The following CCDC183 variants were observed in gnomAD, a reference collection of about 807,000 sequenced individuals.
CCDC183 encodes coiled-coil domain containing 183.
In CCDC183, 63 loss-of-function variants were observed where a neutral mutation model predicts 65.2. The observed-to-expected ratio is 0.97, with a 90% CI of 0.79 to 1.19. CCDC183 has a LOEUF of 1.19. CCDC183 is among the 50% of genes most tolerant of loss of function. The probability of loss-of-function intolerance (pLI) is 0.00; values close to 1 mark genes in which losing one functional copy is unlikely to be tolerated. For missense variants in CCDC183, 769 were observed against 689.3 expected (o/e 1.12, Z -1.30); for synonymous variants, 323 against 276.5 (o/e 1.17, Z -1.67).
rs112843166 is a variant in CCDC183, at chr9:136,803,302, T to C, written c.666+516T>C. The stretch of plus-strand genomic sequence containing the variant: ...AGGGCTGGGGCCCCCCAGGGCGGGC[T>C]CTCTTGTGTCTTCTGGCCAGGGTCT... On this transcript the variant is annotated intron_variant, in intron 6 of 13. Transcript: ENST00000338005. Among the ~76,000 whole-genome samples, 220 of 150,850 alleles carry C rather than the reference T, an allele frequency of 1.5e-3. 10 individuals carry two copies. Among genetic ancestry groups the C allele is most frequent in the African/African-American group, 4.7e-3 (191 of 40,722 alleles).
rs908972607 is a variant in CCDC183, at chr9:136,804,109, G to C, written c.667-393G>C. On this transcript the variant is annotated intron_variant, in intron 6 of 13. Coordinates refer to ENST00000338005, the MANE Select transcript of CCDC183 (RefSeq NM_001039374.5). The surrounding 1 kb of genome is among the most constrained non-coding windows in gnomAD (Gnocchi z 4.1). Reference sequence around the variant, plus strand: ...GGCGAGGGTGAGAGCAGTGTCTGGGGTGCGTGAGCAGGGGTTAGCAGATGA... The same window carrying C: ...GGCGAGGGTGAGAGCAGTGTCTGGGCTGCGTGAGCAGGGGTTAGCAGATGA... The C allele has an allele frequency of 4.5e-6, 1 of 223,178 alleles. No homozygotes were observed. The highest frequency in any genetic ancestry group is 9.1e-6 in the Non-Finnish European group (1 of 109,538). The allele number at this position is 223,178 out of a possible 1,614,324, so 13.8% of individuals were successfully genotyped here. A position where few individuals can be genotyped will look rare whatever the true frequency, so the allele number is the denominator to read the frequency against.
At chr9:136,807,534 G>T in intron 13 of CCDC183, 38 bp from the exon 14 acceptor site, 1 of 1,551,796 alleles carries the variant, frequency 6.4e-7, no homozygotes, top group Non-Finnish European at 8.7e-7. Flanking sequence ...CGCCTAGCTG[G>T]GCTAGCCCCG....
At position 136,804,423 on chromosome 9, in the gene CCDC183, A is replaced by G. The variant is rs1847805501; in HGVS notation, c.667-79A>G. On this transcript the variant is annotated intron_variant, in intron 6 of 13. Transcript: ENST00000338005. This position sits in a 1 kb window ranked among gnomAD's most constrained non-coding sequence, Gnocchi z 4.1. ...AAAGTCTAGTAAGGTGAGCATGGCC[A>G]ACCGCCCGCTGGCTTTACTGCCATT... 1.3e-6 allele frequency: 2 copies of G among 1,524,200 alleles called. No individual in the cohort carries two copies. The highest frequency in any genetic ancestry group is 2.8e-5 in the African/African-American group (2 of 72,708). The allele number at this position is 1,524,200 out of a possible 1,614,324, so 94.4% of individuals were successfully genotyped here. A position where few individuals can be genotyped will look rare whatever the true frequency, so the allele number is the denominator to read the frequency against.
chr9:136,800,578 A>C (rs1004211514), intron 5 of CCDC183, 85 bp downstream of exon 5: 2 of 988,406 alleles, frequency 2.0e-6, no homozygotes, highest in Middle Eastern at 2.3e-4. Flanking sequence ...GCCGCCCCGC[A>C]CCCGCCAGGG....
At chr9:136,805,698 C>A in intron 9 of CCDC183, 1 of 556,444 alleles carries the variant, frequency 1.8e-6, no homozygotes, top group Non-Finnish European at 3.2e-6. Context: ...TAACCACTGC[C>A]CTGACACAAG....
chr9:136,802,597 G>A (rs1173449535), intron 5 of CCDC183, 67 bp from the exon 6 acceptor site: 23 of 1,541,030 alleles, frequency 1.5e-5, no homozygotes, highest in Non-Finnish European at 2.0e-5. Flanking sequence ...TCTTAGTCGG[G>A]GGATAAAAGC....
chr9:136,799,786 T>A lies in CCDC183; in HGVS notation c.266T>A (p.Met89Lys). 6.2e-7 allele frequency: 1 copy of A among 1,612,676 alleles called. No individual in the cohort carries two copies. Among genetic ancestry groups the A allele is most frequent in the Non-Finnish European group, 8.5e-7 (1 of 1,179,694 alleles). The change falls in exon 3 of 14, where the codon ATG becomes AAG. Residue 89 changes from methionine (M) to lysine (K), a missense_variant. By Grantham distance (95) the Met-to-Lys change is moderately conservative. Coordinates refer to ENST00000338005, the MANE Select transcript of CCDC183 (RefSeq NM_001039374.5). ...PLRLAHCRSTMEVVREKLRKY... is the reference protein window; with the variant it reads ...PLRLAHCRSTKEVVREKLRKY... ...CGACTGGCGCACTGCCGCAGCACCA[T>A]GGAGGTAACCAGGCAGGAGGGGCCT...
rs940976275 is a variant in CCDC183 at position 136,806,458 on chromosome 9, C to G, written c.1110-46C>G. On this transcript the variant is annotated intron_variant, in intron 10 of 13. Transcript: ENST00000338005. ...GGCTCCTGGGTGGCCCACCATGGCT[C>G]TCGGGCCTGTGCCCCTCACTGCTGT... 10 of 1,610,336 alleles carry G rather than the reference C, an allele frequency of 6.2e-6. No homozygotes were observed. In the African/African-American group the frequency reaches 1.3e-4, roughly 22 times the overall value.
chr9:136,797,705 TG>T lies in CCDC183; in HGVS notation c.70+1241del, dbSNP rs1344012310. On this transcript the variant is annotated intron_variant, in intron 1 of 13. Coordinates refer to ENST00000338005, the MANE Select transcript of CCDC183 (RefSeq NM_001039374.5). ...TGCCCGCATCAGCCTCCCAAAGTGC[TG>T]GGATTACAGGCGTGAGCCACCATGC... is the stretch of plus-strand genomic sequence containing the variant. 3.3e-5 allele frequency among the ~76,000 whole-genome samples: 5 copies of T among 152,280 alleles called. No individual in the cohort carries two copies. The East Asian group carries it at 7.7e-4, about 23-fold the overall frequency.
chr9:136,798,287 T>C (rs574171478), intron 1 of CCDC183, among the ~76,000 whole-genome samples: 25 of 140,008 alleles, frequency 1.8e-4, no homozygotes, highest in African/African-American at 6.1e-4. Context: ...ATTACAGGCA[T>C]GAGCCACCGG....
chr9:136,805,201 G>A lies in CCDC183; in HGVS notation c.848-156G>A, dbSNP rs1039363403. Reference sequence around the variant, plus strand: ...GTCCCTGCAGGGCTGGGCTGAGGAGGGAGCAGGTTGGGGCGGGGGCAGGCA... The same window carrying A: ...GTCCCTGCAGGGCTGGGCTGAGGAGAGAGCAGGTTGGGGCGGGGGCAGGCA... On this transcript the variant is annotated intron_variant, in intron 8 of 13. Transcript: ENST00000338005. 1.4e-5 allele frequency: 9 copies of A among 636,974 alleles called. No individual in the cohort carries two copies. In the African/African-American group the frequency reaches 1.5e-4, roughly 10 times the overall value. The allele number at this position is 636,974 out of a possible 1,614,324, so 39.5% of individuals were successfully genotyped here.
chr9:136,800,194 G>C, intron 4 of CCDC183, 25 bp downstream of exon 4: 1 of 1,478,422 alleles, frequency 6.8e-7, no homozygotes, highest in Non-Finnish European at 9.1e-7. Flanking sequence ...CTGGGAGGGC[G>C]GGGCGGAGTC....
intron 2 of CCDC183, 38 bp from the exon 3 acceptor site, chr9:136,799,675 A>T: frequency 6.3e-7 from 1 of 1,591,648 alleles, no homozygotes; most frequent in Non-Finnish European, 8.6e-7. Context: ...GCGGGTGCGC[A>T]AAGGGCCCGC....
At chr9:136,799,354 G>A in intron 2 of CCDC183, 131 bp downstream of exon 2, 1 of 1,373,280 alleles carries the variant, frequency 7.3e-7, no homozygotes. Context: ...ATGTGAGGAG[G>A]GGCTCTGCTA....
chr9:136,806,705 A>G, intron 11 of CCDC183, 33 bp downstream of exon 11: 1 of 1,613,312 alleles, frequency 6.2e-7, no homozygotes, highest in Non-Finnish European at 8.5e-7. Flanking sequence ...GCCACACACC[A>G]GGTCCCTGGG....
In CCDC183 at chr9:136,804,386, G is replaced by T; in HGVS notation, c.667-116G>T. 1 of 1,381,264 alleles carries T rather than the reference G, an allele frequency of 7.2e-7. No individual in the cohort carries two copies. Among genetic ancestry groups the T allele is most frequent in the Non-Finnish European group, 9.7e-7 (1 of 1,033,204 alleles). 85.6% of individuals were successfully genotyped at this position (1,381,264 alleles called of 1,614,324 possible). A position where few individuals can be genotyped will look rare whatever the true frequency, so the allele number is the denominator to read the frequency against. On this transcript the variant is annotated intron_variant, in intron 6 of 13. Coordinates refer to ENST00000338005, the MANE Select transcript of CCDC183 (RefSeq NM_001039374.5). The surrounding 1 kb of genome is among the most constrained non-coding windows in gnomAD (Gnocchi z 4.1). ...GGAAAAGGGTGTGGCCATTGGCCGG[G>T]GATGCAGTTCCAAAGTCTAGTAAGG...
At chr9:136,805,998 C>T in intron 9 of CCDC183, 80 bp from the exon 10 acceptor site, 3 of 1,203,554 alleles carry the variant, frequency 2.5e-6, no homozygotes, top group Non-Finnish European at 3.5e-6. Flanking sequence ...AGGAGGGGCC[C>T]AGAAGAAACC....
chr9:136,802,791 G>C lies in CCDC183; in HGVS notation c.666+5G>C, dbSNP rs1847757551. 1 of 1,585,618 alleles carries C rather than the reference G, an allele frequency of 6.3e-7. No individual in the cohort carries two copies. The highest frequency in any genetic ancestry group is 1.8e-5 in the Admixed American group (1 of 56,804). Reference sequence around the variant, plus strand: ...ATGATCACGGATGAGGTCAAGGTGAGCTCAGGGCCCAGGGCTGGGGGCCCC... The same window carrying C: ...ATGATCACGGATGAGGTCAAGGTGACCTCAGGGCCCAGGGCTGGGGGCCCC... On this transcript the variant is annotated splice_donor_5th_base_variant and intron_variant, in intron 6 of 13. Coordinates refer to ENST00000338005, the MANE Select transcript of CCDC183 (RefSeq NM_001039374.5).
chr9:136,804,446 A>G lies in CCDC183; in HGVS notation c.667-56A>G. The G allele has an allele frequency of 1.9e-6, 3 of 1,579,852 alleles. No homozygotes were observed. The highest frequency in any genetic ancestry group is 2.6e-6 in the Non-Finnish European group (3 of 1,163,956). Reference sequence around the variant, plus strand: ...CCAACCGCCCGCTGGCTTTACTGCCATTAGGGGCCTTGTTGAGACAGCTCC... The same window carrying G: ...CCAACCGCCCGCTGGCTTTACTGCCGTTAGGGGCCTTGTTGAGACAGCTCC... On this transcript the variant is annotated intron_variant, in intron 6 of 13. Coordinates refer to ENST00000338005, the MANE Select transcript of CCDC183 (RefSeq NM_001039374.5). The surrounding 1 kb of genome is among the most constrained non-coding windows in gnomAD (Gnocchi z 4.1).
Sources: allele counts gnomAD v4.1 joint callset (sites outside exome capture counted in the v4.1 genomes callset), GRCh38; gene constraint gnomAD v4.1.1; non-coding constraint Gnocchi (gnomAD v3.1); transcripts MANE v1.5; gene names NCBI Gene and HGNC (gene_info 2026-07-23, HGNC 2026-07-21).